Variants in TM9SF2 observed in about 807,000 individuals in gnomAD.
TM9SF2 encodes transmembrane 9 superfamily member 2.
A neutral mutation model predicts 84.9 loss-of-function variants in TM9SF2; 13 were observed. The ratio of observed to expected loss-of-function variants is 0.15; its 90% confidence interval spans 0.10 to 0.24. The LOEUF (loss-of-function observed/expected upper bound fraction) is 0.24, where lower values mean the gene tolerates loss of function less well. TM9SF2 is among the 10% of genes least tolerant of loss of function. The pLI is 1.00. For missense variants in TM9SF2, 562 were observed against 818.5 expected (o/e 0.69, Z 3.82); for synonymous variants, 273 against 285.8 (o/e 0.96, Z 0.45).
chr13:99,515,905 T>C (rs1249603865), intron 1 of TM9SF2, among the ~76,000 whole-genome samples: 2 of 152,120 alleles, frequency 1.3e-5, no homozygotes, highest in Non-Finnish European at 2.9e-5. Flanking sequence ...GCTAATTTTG[T>C]ATTTTTAGTA....
At chr13:99,562,436 G>A (rs961079084) in intron 16 of TM9SF2, among the ~76,000 whole-genome samples, 9 of 152,110 alleles carry the variant, frequency 5.9e-5, no homozygotes, top group Non-Finnish European at 1.2e-4. Flanking sequence ...TATGTAGTAA[G>A]GAAAATAATG....
intron 7 of TM9SF2, 127 bp downstream of exon 7, chr13:99,539,684 T>C (rs1271976591): frequency 9.0e-6 from 6 of 664,386 alleles, no homozygotes; most frequent in Non-Finnish European, 1.6e-5. Flanking sequence ...ATTTTTAGGA[T>C]AGTTTGTCGG....
rs1462385968 is a variant in TM9SF2, at chr13:99,541,574, G to A, written c.924G>A (p.Leu308=). 1 of 1,611,532 alleles carries A rather than the reference G, an allele frequency of 6.2e-7. No homozygotes were observed. Among genetic ancestry groups the A allele is most frequent in the Non-Finnish European group, 8.5e-7 (1 of 1,178,566 alleles). The change falls in exon 9 of 17, where the codon CTG becomes CTA. Residue 308 remains leucine (L), a synonymous_variant. Coordinates refer to ENST00000376387, the MANE Select transcript of TM9SF2 (RefSeq NM_004800.3). ...ATTTCTACAGCATTATGAATTCCCTGGTCATTGTTCTCTTCTTATCTGGAA... is the reference window on the plus strand; with the variant it reads ...ATTTCTACAGCATTATGAATTCCCTAGTCATTGTTCTCTTCTTATCTGGAA... The part of the protein sequence containing the change: ...HIQWFSIMNS[L]VIVLFLSGMV...
chr13:99,525,705 G>A (rs4566002), intron 3 of TM9SF2, among the ~76,000 whole-genome samples: 131,656 of 151,718 alleles, frequency 0.87, 57,407 homozygotes, highest in Admixed American at 0.92. Context: ...ATAGGCGCCC[G>A]CCACTACGCC....
At position 99,562,719 on chromosome 13, in the gene TM9SF2, G is replaced by C. The variant is rs35460674; in HGVS notation, c.1953G>C (p.Trp651Cys). 1.1e-4 allele frequency: 174 copies of C among 1,612,864 alleles called. No homozygotes were observed. The highest frequency in any genetic ancestry group is 1.4e-4 in the Non-Finnish European group (165 of 1,179,520). Residue 651 changes from tryptophan (W) to cysteine (C), a missense_variant, in exon 17 of 17, where the codon TGG becomes TGC. Around this residue, in one of 4 missense-constraint regions of TM9SF2, gnomAD observed 63 missense variants for 109.2 expected, o/e 0.58. Coordinates refer to ENST00000376387, the MANE Select transcript of TM9SF2 (RefSeq NM_004800.3). ...TGTIGFFACF[W>C]FVTKIYSVVK... ...CAATTGGCTTCTTTGCATGCTTTTG[G>C]TTTGTTACCAAAATATACAGTGTGG... is the stretch of plus-strand genomic sequence containing the variant.
chr13:99,525,151 C>T (rs760824064), intron 3 of TM9SF2, among the ~76,000 whole-genome samples: 1 of 152,156 alleles, frequency 6.6e-6, no homozygotes, highest in Non-Finnish European at 1.5e-5. Flanking sequence ...CAGGTGGACA[C>T]ATCTACAACT....
chr13:99,505,215 C>T (rs984269713), intron 1 of TM9SF2, among the ~76,000 whole-genome samples: 21 of 148,600 alleles, frequency 1.4e-4, no homozygotes, highest in African/African-American at 5.0e-4. Context: ...TGCAGTGGCA[C>T]GATCTTGGCT....
In TM9SF2 at chr13:99,555,548, G is replaced by A; in HGVS notation, c.1653G>A (p.Met551Ile). 6.2e-7 allele frequency: 1 copy of A among 1,612,622 alleles called. No individual in the cohort carries two copies. The highest frequency in any genetic ancestry group is 8.5e-7 in the Non-Finnish European group (1 of 1,178,752). Residue 551 changes from methionine (M) to isoleucine (I), a missense_variant, in exon 15 of 17, where the codon ATG becomes ATA. Coordinates refer to ENST00000376387, the MANE Select transcript of TM9SF2 (RefSeq NM_004800.3). ...TGTTTGATTATAGGTCACACCAGATGTATTACATGTTTGGCTTCCTATTTC... is the reference window on the plus strand; with the variant it reads ...TGTTTGATTATAGGTCACACCAGATATATTACATGTTTGGCTTCCTATTTC... ...FILNSIWSHQ[M>I]YYMFGFLFLV...
At position 99,537,994 on chromosome 13, in the gene TM9SF2, A is replaced by G; in HGVS notation, c.716+131A>G. The G allele has an allele frequency of 4.7e-6, 6 of 1,270,856 alleles. No individual in the cohort carries two copies. The South Asian group carries it at 6.2e-5, about 13-fold the overall frequency. The allele number at this position is 1,270,856 out of a possible 1,614,324, so 78.7% of individuals were successfully genotyped here. ...TGATTTCACTAAAACTCCCTTTGGCATGATTTGTTATTGTTATGGGTTGTC... is the reference window on the plus strand; with the variant it reads ...TGATTTCACTAAAACTCCCTTTGGCGTGATTTGTTATTGTTATGGGTTGTC... On this transcript the variant is annotated intron_variant, in intron 6 of 16. Transcript: ENST00000376387.
intron 9 of TM9SF2, among the ~76,000 whole-genome samples, chr13:99,543,577 G>C (rs2046269939): frequency 1.3e-5 from 2 of 152,180 alleles, no homozygotes; most frequent in African/African-American, 4.8e-5. Context: ...GCTTGACTTA[G>C]AGTAGAATTA....
intron 16 of TM9SF2, among the ~76,000 whole-genome samples, chr13:99,560,009 G>A (rs965968964): frequency 1.3e-5 from 2 of 152,172 alleles, no homozygotes; most frequent in South Asian, 2.1e-4. Flanking sequence ...TAAAATTCAA[G>A]CATTGAACAG....
chr13:99,501,734 C>T lies in TM9SF2; in HGVS notation c.128C>T (p.Pro43Leu), dbSNP rs1304536501. ...SGAFYLPGLA[P>L]VNFCDEEKKS... ...GCTTTCTACCTGCCCGGCCTGGCGC[C>T]CGTCAACTTCTGCGACGAAGAAAAA... The change falls in exon 1 of 17, where the codon CCC becomes CTC. Residue 43 changes from proline (P) to leucine (L), a missense_variant. Around this residue, in one of 4 missense-constraint regions of TM9SF2, gnomAD observed 267 missense variants for 316.7 expected, o/e 0.84. Coordinates refer to ENST00000376387, the MANE Select transcript of TM9SF2 (RefSeq NM_004800.3). The T allele has an allele frequency of 6.2e-7, 1 of 1,612,290 alleles. No homozygotes were observed. The highest frequency in any genetic ancestry group is 8.5e-7 in the Non-Finnish European group (1 of 1,179,660).
At chr13:99,560,177 C>T (rs1594063812) in intron 16 of TM9SF2, among the ~76,000 whole-genome samples, 2 of 152,306 alleles carry the variant, frequency 1.3e-5, no homozygotes, top group South Asian at 2.1e-4. Context: ...TCCTTTGTCA[C>T]AAGTAACGCT....
chr13:99,505,946 C>T (rs1240529247), intron 1 of TM9SF2, among the ~76,000 whole-genome samples: 1 of 152,104 alleles, frequency 6.6e-6, no homozygotes, highest in Non-Finnish European at 1.5e-5. Context: ...GGATAGATCA[C>T]GTTCTTAGAT....
chr13:99,541,445 C>G (rs1293332876), intron 8 of TM9SF2, 114 bp from the exon 9 acceptor site: 2 of 682,654 alleles, frequency 2.9e-6, no homozygotes, highest in Non-Finnish European at 4.8e-6. Flanking sequence ...AGATAGCTTT[C>G]ATTTTGATTT....
intron 1 of TM9SF2, among the ~76,000 whole-genome samples, chr13:99,517,395 C>T (rs1340270174): frequency 6.6e-6 from 1 of 152,168 alleles, no homozygotes; most frequent in Non-Finnish European, 1.5e-5. Context: ...AAGGGGCTGG[C>T]ATTACAGGTG....
chr13:99,544,027 A>T, intron 10 of TM9SF2, 32 bp downstream of exon 10: 1 of 1,609,682 alleles, frequency 6.2e-7, no homozygotes, highest in Non-Finnish European at 8.5e-7. Context: ...TCAAGTAGAA[A>T]ATACTTTCTA....
At chr13:99,523,242 C>A (rs2046168072) in intron 3 of TM9SF2, among the ~76,000 whole-genome samples, 1 of 152,154 alleles carries the variant, frequency 6.6e-6, no homozygotes, top group Admixed American at 6.6e-5. Context: ...GCCTTGAACT[C>A]CCAGGCTCAA....
At chr13:99,558,718 C>T (rs1168282663) in intron 15 of TM9SF2, among the ~76,000 whole-genome samples, 2 of 132,172 alleles carry the variant, frequency 1.5e-5, no homozygotes, top group African/African-American at 5.1e-5. Context: ...TTAGCTGTTG[C>T]ATTTTGTGTG....
Sources: gnomAD v4.1 joint callset for allele counts (sites outside exome capture counted in the v4.1 genomes callset) on GRCh38, gnomAD v4.1.1 for gene constraint, gnomAD v4.1.1 regional missense constraint, MANE v1.5 for transcripts, NCBI Gene and HGNC (gene_info 2026-07-23, HGNC 2026-07-21) for gene names.